ISG20: variants seen among roughly 807,000 people sequenced by gnomAD.
ISG20 encodes interferon-stimulated gene 20 kDa protein.
ISG20 carries 8 observed loss-of-function variants against 11.1 expected under a neutral mutation model. The ratio of observed to expected loss-of-function variants is 0.72; its 90% CI spans 0.42 to 1.30. The LOEUF is 1.30. Among genes scored for constraint, ISG20 ranks in the 50% most tolerant of loss-of-function variants. ISG20 has a pLI of 0.01. For synonymous variants in ISG20, 110 were observed against 101.7 expected (o/e 1.08, Z -0.49); for missense variants, 243 against 250.2 (o/e 0.97, Z 0.19).
intron 3 of ISG20, 46 bp from the exon 4 acceptor site, chr15:88,655,369 G>T (rs751955534): frequency 1.3e-6 from 2 of 1,564,948 alleles, no homozygotes; most frequent in South Asian, 1.1e-5. Flanking sequence ...CGGGGCCTCT[G>T]AATTCAGCCT....
At chr15:88,640,520 T>C (rs986261177) in intron 2 of ISG20, among the ~76,000 whole-genome samples, 7 of 152,212 alleles carry the variant, frequency 4.6e-5, no homozygotes, top group Non-Finnish European at 1.0e-4. Context: ...CAGTTCCCAT[T>C]ACTTAACAGC....
chr15:88,654,841 GC>G (rs1357190911), intron 3 of ISG20, among the ~76,000 whole-genome samples: 1 of 152,102 alleles, frequency 6.6e-6, no homozygotes, highest in African/African-American at 2.4e-5. Flanking sequence ...TAAAGTCTAG[GC>G]TCCCGACTTC....
At chr15:88,638,977 C>T (rs1234588981), upstream of ISG20, 2 of 254,272 alleles carry the variant, frequency 7.9e-6, no homozygotes, top group East Asian at 8.7e-5. Flanking sequence ...ATGCCGATGC[C>T]GGCTTGGAGT....
Position 88,655,686 on chromosome 15 carries a change from G to C in ISG20, c.*155G>C. 1 of 571,000 alleles carries C rather than the reference G, an allele frequency of 1.8e-6. No homozygotes were observed. Among genetic ancestry groups the C allele is most frequent in the Non-Finnish European group, 3.1e-6 (1 of 324,156 alleles). 35.4% of individuals were successfully genotyped at this position (571,000 alleles called of 1,614,324 possible). ...CTCTTCTTATTCTTCTCTCCAAGCT[G>C]GGTTAACAGTAGACAGGACCCATTT... On this transcript the variant is annotated 3_prime_UTR_variant, in exon 4 of 4. Coordinates refer to ENST00000306072, the MANE Select transcript of ISG20 (RefSeq NM_002201.6).
intron 2 of ISG20, among the ~76,000 whole-genome samples, chr15:88,641,652 G>C (rs1376145689): frequency 6.6e-6 from 1 of 151,814 alleles, no homozygotes; most frequent in Non-Finnish European, 1.5e-5. Flanking sequence ...TTATTTTTGA[G>C]ATGGAGTCTT....
At position 88,639,624 on chromosome 15, in the gene ISG20, T is replaced by C. The variant is rs2141387522; in HGVS notation, c.228+30T>C. On this transcript the variant is annotated intron_variant, in intron 2 of 3. Coordinates refer to ENST00000306072, the MANE Select transcript of ISG20 (RefSeq NM_002201.6). This position sits in a 1 kb window ranked among gnomAD's most constrained non-coding sequence, Gnocchi z 4.2. ...GTGAAGGCCCGGCCAGCAGGGGCTT[T>C]GGAAATAACCCCTCTCCCACTTCCC... is the stretch of plus-strand genomic sequence containing the variant. 1 of 1,560,830 alleles carries C rather than the reference T, an allele frequency of 6.4e-7. No individual in the cohort carries two copies. The highest frequency in any genetic ancestry group is 8.8e-7 in the Non-Finnish European group (1 of 1,132,448).
At chr15:88,638,959 GGGTCGGGATGCCGATGCC>G, upstream of ISG20, 2 of 239,118 alleles carry the variant, frequency 8.4e-6, no homozygotes, top group Non-Finnish European at 1.7e-5. Context: ...AACTGAAACA[GGGTCGGGATGCCGATGCC>G]GGCTTGGAGT....
upstream of ISG20, among the ~76,000 whole-genome samples, chr15:88,636,851 G>C (rs2057992452): frequency 6.6e-6 from 1 of 152,170 alleles, no homozygotes; most frequent in Non-Finnish European, 1.5e-5. Context: ...TAAATAGAGA[G>C]GTCAGGGACA....
upstream of ISG20, among the ~76,000 whole-genome samples, chr15:88,637,892 C>G (rs901804995): frequency 3.3e-5 from 5 of 152,168 alleles, no homozygotes; most frequent in African/African-American, 1.2e-4. Flanking sequence ...AGTCCCCACA[C>G]AGTCTGAATT....
rs1020986429 is a variant in ISG20 at position 88,639,132 on chromosome 15, T to C, written c.-25+56T>C. 8.8e-6 allele frequency: 5 copies of C among 565,922 alleles called. No individual in the cohort carries two copies. Among genetic ancestry groups the C allele is most frequent in the Non-Finnish European group, 1.6e-5 (5 of 318,940 alleles). The allele number at this position is 565,922 out of a possible 1,614,324, so 35.1% of individuals were successfully genotyped here. A position where few individuals can be genotyped will look rare whatever the true frequency, so the allele number is the denominator to read the frequency against. On this transcript the variant is annotated intron_variant, in intron 1 of 3. Transcript: ENST00000306072. The surrounding 1 kb of genome is among the most constrained non-coding windows in gnomAD (Gnocchi z 4.2). The stretch of plus-strand genomic sequence containing the variant: ...GAGGCAGCGGGAGGGGCCTTCCCGG[T>C]CCCCAGGCTGCGGGGCAGGCCAGAG...
chr15:88,650,153 T>C lies in ISG20; in HGVS notation c.229-1957T>C. ...CATGCAGAGAAGGAGACGAAGGCTG[T>C]CCTAGAGCTGTCCAAAGTGGGCCTG... On this transcript the variant is annotated intron_variant, in intron 2 of 3. Transcript: ENST00000306072. The surrounding 1 kb of genome is among the most constrained non-coding windows in gnomAD (Gnocchi z 4.0). 2 of 1,163,438 alleles carry C rather than the reference T, an allele frequency of 1.7e-6. No individual in the cohort carries two copies. The highest frequency in any genetic ancestry group is 1.9e-4 in the Middle Eastern group (1 of 5,324). The allele number at this position is 1,163,438 out of a possible 1,614,324, so 72.1% of individuals were successfully genotyped here.
intron 2 of ISG20, 39 bp from the exon 3 acceptor site, chr15:88,652,071 C>G: frequency 6.2e-7 from 1 of 1,612,844 alleles, no homozygotes; most frequent in South Asian, 1.1e-5. Flanking sequence ...CCAGAAGATG[C>G]TGGGTCATGT....
At chr15:88,653,336 G>C (rs1392016269) in intron 3 of ISG20, among the ~76,000 whole-genome samples, 3 of 152,156 alleles carry the variant, frequency 2.0e-5, no homozygotes, top group Non-Finnish European at 2.9e-5. Flanking sequence ...GAGCCTGGAG[G>C]GTCTTAGTCA....
chr15:88,641,230 C>T (rs2058075840), intron 2 of ISG20, among the ~76,000 whole-genome samples: 1 of 152,120 alleles, frequency 6.6e-6, no homozygotes, highest in African/African-American at 2.4e-5. Flanking sequence ...GAACTCCTGA[C>T]CTCAGGTGAT....
intron 2 of ISG20, chr15:88,648,417 T>C (rs891606232): frequency 2.0e-5 from 3 of 152,282 alleles, no homozygotes; most frequent in Non-Finnish European, 4.4e-5. Context: ...TGGGAAATAC[T>C]TGGAGTAGAG....
At chr15:88,642,403 G>C (rs2058097388) in intron 2 of ISG20, among the ~76,000 whole-genome samples, 1 of 152,154 alleles carries the variant, frequency 6.6e-6, no homozygotes, top group Non-Finnish European at 1.5e-5. Context: ...GAGAGAGCGG[G>C]ACACAGTTCA....
intron 3 of ISG20, among the ~76,000 whole-genome samples, chr15:88,654,070 C>T (rs1392676037): frequency 6.6e-6 from 1 of 152,166 alleles, no homozygotes; most frequent in Non-Finnish European, 1.5e-5. Context: ...AGCAGGGGAG[C>T]TGGGAATTGC....
Position 88,652,113 on chromosome 15 carries a change from C to A in ISG20, c.232C>A (p.Leu78Met), listed in dbSNP as rs1270010543. The change falls in exon 3 of 4, where the codon CTG becomes ATG. Residue 78 changes from leucine to methionine, a missense_variant. Leu to Met is a conservative substitution (Grantham distance 15). Coordinates refer to ENST00000306072, the MANE Select transcript of ISG20 (RefSeq NM_002201.6). ...GGGCACATGTCTTCCTGGCCAGATC[C>A]TGCAGCTCCTGAAAGGCAAGCTGGT... Reference protein sequence around the residue: ...TPFAVARLEILQLLKGKLVVG... With the variant: ...TPFAVARLEIMQLLKGKLVVG... 1 of 1,613,934 alleles carries A rather than the reference C, an allele frequency of 6.2e-7. No individual in the cohort carries two copies. The highest frequency in any genetic ancestry group is 8.5e-7 in the Non-Finnish European group (1 of 1,179,982).
rs146285677 is a variant in ISG20, at chr15:88,655,432, C to T, written c.447C>T (p.His149=). The T allele has an allele frequency of 2.4e-4, 393 of 1,614,092 alleles. 1 individual carries two copies. The African/African-American group carries it at 4.6e-3, about 19-fold the overall frequency. ...GTCTGCAGAACAGCCTGCTTGGACA[C>T]AGCTCGGTGGAAGATGCGAGGGCAA... is the stretch of plus-strand genomic sequence containing the variant. ...HKSIQNSLLG[H]SSVEDARATM... is the part of the protein sequence containing the mutation. The change falls in exon 4 of 4, where the codon CAC becomes CAT. Residue 149 remains histidine, a synonymous_variant. Coordinates refer to ENST00000306072, the MANE Select transcript of ISG20 (RefSeq NM_002201.6).
Sources: gnomAD v4.1 joint callset for allele counts (sites outside exome capture counted in the v4.1 genomes callset) on GRCh38, gnomAD v4.1.1 for gene constraint, Gnocchi (gnomAD v3.1) non-coding constraint, MANE v1.5 for transcripts, NCBI Gene and HGNC (gene_info 2026-07-23, HGNC 2026-07-21) for gene names.